DDHD1: variants seen among roughly 807,000 people sequenced by gnomAD.
DDHD1 encodes phospholipase DDHD1.
DDHD1 carries 49 observed loss-of-function variants against 96.4 expected under a neutral mutation model. The ratio of observed to expected loss-of-function variants is 0.51; its 90% confidence interval spans 0.40 to 0.64. DDHD1 has a LOEUF of 0.64. Among genes scored for constraint, DDHD1 ranks in the 30% least tolerant of loss-of-function variants. DDHD1 has a pLI of 0.00. For missense variants in DDHD1, 1,106 were observed against 1,161.2 expected (o/e 0.95, Z 0.69); for synonymous variants, 442 against 446.5 (o/e 0.99, Z 0.13).
intron 1 of DDHD1, among the ~76,000 whole-genome samples, chr14:53,119,000 G>A (rs1888771617): frequency 6.6e-6 from 1 of 152,152 alleles, no homozygotes; most frequent in South Asian, 2.1e-4. Context: ...GAGAGTGGGG[G>A]CCAATATTCA....
intron 1 of DDHD1, among the ~76,000 whole-genome samples, chr14:53,115,643 G>A (rs942806064): frequency 6.6e-6 from 1 of 151,996 alleles, no homozygotes; most frequent in Non-Finnish European, 1.5e-5. Flanking sequence ...CATAACCAAA[G>A]GAGAAATAAA....
intron 4 of DDHD1, among the ~76,000 whole-genome samples, chr14:53,084,428 T>C (rs1219472252): frequency 1.3e-5 from 2 of 152,170 alleles, no homozygotes; most frequent in Non-Finnish European, 2.9e-5. Flanking sequence ...AGAGAGAATA[T>C]ACAAGTAAAC....
intron 1 of DDHD1, among the ~76,000 whole-genome samples, chr14:53,113,536 C>T (rs946969486): frequency 6.6e-6 from 1 of 152,048 alleles, no homozygotes; most frequent in African/African-American, 2.4e-5. Context: ...TTCTGCATTT[C>T]CAACTGAGGT....
At chr14:53,082,905 A>C (rs1357614722) in intron 4 of DDHD1, among the ~76,000 whole-genome samples, 1 of 152,068 alleles carries the variant, frequency 6.6e-6, no homozygotes, top group Non-Finnish European at 1.5e-5. Flanking sequence ...CAAACAAACA[A>C]ACAAAAAAAC....
At chr14:53,129,040 G>A (rs542084917) in intron 1 of DDHD1, among the ~76,000 whole-genome samples, 6 of 152,284 alleles carry the variant, frequency 3.9e-5, no homozygotes, top group Admixed American at 2.6e-4. Context: ...AAACCTATAA[G>A]AACTAATGAT....
intron 12 of DDHD1, chr14:53,048,958 A>T (rs73292101): frequency 6.6e-6 from 1 of 152,272 alleles, no homozygotes; most frequent in African/African-American, 2.4e-5. Context: ...TTCAAATGCC[A>T]CTTCATAATG....
chr14:53,059,137 T>C (rs1883314178), intron 8 of DDHD1, among the ~76,000 whole-genome samples: 1 of 152,218 alleles, frequency 6.6e-6, no homozygotes, highest in Admixed American at 6.5e-5. Context: ...CGAGAAAGGT[T>C]TCTACAGCTG....
chr14:53,059,897 T>C (rs1448413541), intron 8 of DDHD1, among the ~76,000 whole-genome samples: 2 of 143,778 alleles, frequency 1.4e-5, no homozygotes, highest in African/African-American at 5.3e-5. Context: ...AAAGTAATGA[T>C]AGTAGAGATG....
At chr14:53,130,538 A>T (rs1889791712) in intron 1 of DDHD1, among the ~76,000 whole-genome samples, 1 of 152,174 alleles carries the variant, frequency 6.6e-6, no homozygotes, top group Non-Finnish European at 1.5e-5. Context: ...ACAATAATAG[A>T]GAAGAGTTGC....
chr14:53,083,724 T>C (rs1885693025), intron 4 of DDHD1, among the ~76,000 whole-genome samples: 1 of 152,232 alleles, frequency 6.6e-6, no homozygotes, highest in African/African-American at 2.4e-5. Context: ...ACACTGAACT[T>C]AGGAATGACA....
chr14:53,076,046 C>A (rs749076319), intron 4 of DDHD1, among the ~76,000 whole-genome samples: 2 of 152,170 alleles, frequency 1.3e-5, no homozygotes, highest in Non-Finnish European at 2.9e-5. Context: ...TTCATGCCTG[C>A]TAACACAATA....
At chr14:53,125,702 ATT>A (rs1195927962) in intron 1 of DDHD1, among the ~76,000 whole-genome samples, 11 of 139,826 alleles carry the variant, frequency 7.9e-5, no homozygotes, top group Admixed American at 1.4e-4. Context: ...TAAAAGATGG[ATT>A]TTTTTTTTTT....
At chr14:53,152,124 A>AGAAGTGGAGTGTAG in intron 1 of DDHD1, 137 bp downstream of exon 1, 1 of 842,776 alleles carries the variant, frequency 1.2e-6, no homozygotes, top group South Asian at 2.4e-5. Flanking sequence ...CTCCCTGCTC[A>AGAAGTGGAGTGTAG]ATCTCCATCC....
intron 6 of DDHD1, among the ~76,000 whole-genome samples, chr14:53,068,906 T>C (rs1884279616): frequency 6.6e-6 from 1 of 152,228 alleles, no homozygotes; most frequent in Non-Finnish European, 1.5e-5. Flanking sequence ...CCTACCATGA[T>C]AGCTGCAAAA....
chr14:53,083,125 T>C (rs1311943018), intron 4 of DDHD1, among the ~76,000 whole-genome samples: 1 of 151,410 alleles, frequency 6.6e-6, no homozygotes, highest in Admixed American at 6.6e-5. Flanking sequence ...ATAAGTTTCG[T>C]TGATATTCTT....
intron 6 of DDHD1, among the ~76,000 whole-genome samples, chr14:53,069,041 T>G (rs556870212): frequency 6.6e-6 from 1 of 152,332 alleles, no homozygotes; most frequent in East Asian, 1.9e-4. Flanking sequence ...ATTTTTTCAA[T>G]GATCTATAAA....
chr14:53,055,133 C>CCATT (rs1469048171), intron 10 of DDHD1, among the ~76,000 whole-genome samples: 4 of 152,190 alleles, frequency 2.6e-5, no homozygotes, highest in Non-Finnish European at 4.4e-5. Context: ...TAACCAAAGG[C>CCATT]AATGGACAGA....
rs1450425959 is a variant in DDHD1 at position 53,145,044 on chromosome 14, GGAGGCT to G, written c.838+7211_838+7216del. Reference sequence around the variant, plus strand: ...GCTGGCCTGTGATCCCAGGTACTTGGGAGGCTGAGGAACGAGAATTTTTTGAACCTG... The same window carrying G: ...GCTGGCCTGTGATCCCAGGTACTTGGGAGGAACGAGAATTTTTTGAACCTG... On this transcript the variant is annotated intron_variant, in intron 1 of 12. Coordinates refer to ENST00000673822, the MANE Select transcript of DDHD1 (RefSeq NM_001160148.2). Among the ~76,000 whole-genome samples the G allele has an allele frequency of 5.9e-5, 9 of 152,272 alleles. No individual in the cohort carries two copies. In the East Asian group the frequency reaches 1.7e-3, roughly 29 times the overall value.
At chr14:53,089,032 CAG>C (rs1282228452) in intron 4 of DDHD1, among the ~76,000 whole-genome samples, 1 of 151,268 alleles carries the variant, frequency 6.6e-6, no homozygotes, top group African/African-American at 2.4e-5. Flanking sequence ...CAATAACAGA[CAG>C]AGACAAATCA....
Sources: allele counts gnomAD v4.1 joint callset (sites outside exome capture counted in the v4.1 genomes callset), GRCh38; gene constraint gnomAD v4.1.1; transcripts MANE v1.5; gene names NCBI Gene and HGNC (gene_info 2026-07-23, HGNC 2026-07-21).